MAST4: variants seen among roughly 807,000 people sequenced by gnomAD.
MAST4 encodes microtubule-associated serine/threonine-protein kinase 4.
Under a neutral mutation model 162.7 loss-of-function variants are expected in MAST4, and 89 were observed. That is an observed-to-expected ratio of 0.55 (90% CI 0.46 to 0.65). The LOEUF is 0.65. Ranked by LOEUF, MAST4 falls within the 30% of genes least tolerant of loss-of-function variation. The pLI, the probability that MAST4 is intolerant of heterozygous loss-of-function variation, is 0.00. For synonymous variants in MAST4, 1,479 were observed against 1,361.1 expected, an observed-to-expected ratio of 1.09 and a Z score of -1.91; for missense variants, 3,153 against 3,374.0, an observed-to-expected ratio of 0.93 and a Z score of 1.62.
At position 66,834,448 on chromosome 5, in the gene MAST4, C is replaced by T. The variant is rs191733442; in HGVS notation, c.642+45654C>T. ...TGTGCTCCCCATTAGCAGAAGCCAG[C>T]TTAGACACCAGAGGGAAAGGGAGCC... On this transcript the variant is annotated intron_variant, in intron 3 of 28. Transcript: ENST00000403625. Among the ~76,000 whole-genome samples, 954 of 152,246 alleles carry T rather than the reference C, an allele frequency of 6.3e-3. 36 individuals are homozygous for T. Among genetic ancestry groups the T allele is most frequent in the Admixed American group, 0.057 (878 of 15,280 alleles).
chr5:67,167,191 GAC>G lies in MAST4; in HGVS notation c.*142_*143del. 1 of 359,596 alleles carries G rather than the reference GAC, an allele frequency of 2.8e-6. No homozygotes were observed. 22.3% of individuals were successfully genotyped at this position (359,596 alleles called of 1,614,324 possible). A position where few individuals can be genotyped will look rare whatever the true frequency, so the allele number is the denominator to read the frequency against. ...CTCATTGAGACAGGGGAGAGAGAAA[GAC>G]AAAGAGGGGACCTTCTTCCAGATGC... On this transcript the variant is annotated 3_prime_UTR_variant, in exon 29 of 29. Coordinates refer to ENST00000403625, the MANE Select transcript of MAST4 (RefSeq NM_001164664.2).
chr5:66,837,886 ATATATATATTTTT>A (rs1435671405), intron 3 of MAST4, among the ~76,000 whole-genome samples: 38 of 52,824 alleles, frequency 7.2e-4, no homozygotes, highest in African/African-American at 3.3e-3. Flanking sequence ...ATATATATAT[ATATATATATTTTT>A]TTTTTTTTTT....
intron 7 of MAST4, among the ~76,000 whole-genome samples, chr5:67,098,434 C>G (rs749144654): frequency 6.6e-6 from 1 of 152,070 alleles, no homozygotes; most frequent in Non-Finnish European, 1.5e-5. Flanking sequence ...AGAATTGTAT[C>G]AGTAGGAAGA....
intron 3 of MAST4, among the ~76,000 whole-genome samples, chr5:66,804,638 A>G (rs1756092264): frequency 6.6e-6 from 1 of 152,192 alleles, no homozygotes; most frequent in Non-Finnish European, 1.5e-5. Context: ...CAATGAAAGT[A>G]GAGAGTGGGA....
At chr5:66,953,162 A>G (rs1443790912) in intron 4 of MAST4, among the ~76,000 whole-genome samples, 2 of 152,226 alleles carry the variant, frequency 1.3e-5, no homozygotes, top group East Asian at 1.9e-4. Context: ...TTCCTCAACC[A>G]TGCACACTTT....
At chr5:66,805,987 G>A (rs894180336) in intron 3 of MAST4, among the ~76,000 whole-genome samples, 1 of 152,256 alleles carries the variant, frequency 6.6e-6, no homozygotes, top group Non-Finnish European at 1.5e-5. Flanking sequence ...CCATGCTAGC[G>A]GTAGAGGTGT....
At position 67,073,490 on chromosome 5, in the gene MAST4, G is replaced by C. The variant is rs60779236; in HGVS notation, c.764-16672G>C. On this transcript the variant is annotated intron_variant, in intron 5 of 28. Coordinates refer to ENST00000403625, the MANE Select transcript of MAST4 (RefSeq NM_001164664.2). ...TGGGAAATTCCTCTTACGTAGGGAG[G>C]TTGCTTAGAAGATAACTGGAGGCCA... Among the ~76,000 whole-genome samples the C allele has an allele frequency of 4.5e-4, 69 of 152,292 alleles. No homozygotes were observed. The East Asian group carries it at 0.012, about 27-fold the overall frequency.
intron 4 of MAST4, among the ~76,000 whole-genome samples, chr5:67,005,960 C>T (rs1751977692): frequency 6.6e-6 from 1 of 152,234 alleles, no homozygotes; most frequent in African/African-American, 2.4e-5. Flanking sequence ...TGCAGGCTCT[C>T]AGATTTGGAG....
chr5:67,114,385 G>A (rs1581609170), intron 12 of MAST4, 166 bp downstream of exon 12: 1 of 771,546 alleles, frequency 1.3e-6, no homozygotes, highest in Non-Finnish European at 2.0e-6. Flanking sequence ...CATAAAATGG[G>A]TCCTGAGACA....
chr5:66,666,297 C>T (rs1747253368), intron 1 of MAST4, among the ~76,000 whole-genome samples: 1 of 152,190 alleles, frequency 6.6e-6, no homozygotes, highest in Admixed American at 6.5e-5. Flanking sequence ...AGACCGCTCT[C>T]TGATGGTAAT....
intron 1 of MAST4, among the ~76,000 whole-genome samples, chr5:66,691,931 C>T (rs1749066971): frequency 6.6e-6 from 1 of 152,080 alleles, no homozygotes; most frequent in Admixed American, 6.6e-5. Context: ...TAAGAATGTA[C>T]AGTGAATGCT....
chr5:66,959,537 G>A (rs1355455705), intron 4 of MAST4, among the ~76,000 whole-genome samples: 1 of 152,158 alleles, frequency 6.6e-6, no homozygotes, highest in East Asian at 1.9e-4. Context: ...CCCCAGTTCT[G>A]GAAACATCTT....
At chr5:66,957,007 G>GT (rs142109495) in intron 4 of MAST4, among the ~76,000 whole-genome samples, 8,617 of 152,226 alleles carry the variant, frequency 0.057, 338 homozygotes, top group Middle Eastern at 0.11. Context: ...GGGCAGGATG[G>GT]TGAGTTTTCT....
chr5:67,038,166 C>G (rs1265298818), intron 4 of MAST4, among the ~76,000 whole-genome samples: 1 of 151,660 alleles, frequency 6.6e-6, no homozygotes, highest in Non-Finnish European at 1.5e-5. Flanking sequence ...CTATTGAAAT[C>G]TTTCTCTAAC....
intron 21 of MAST4, 45 bp downstream of exon 21, chr5:67,142,578 T>C (rs1027883542): frequency 1.3e-5 from 17 of 1,298,690 alleles, no homozygotes; most frequent in Non-Finnish European, 1.5e-5. Context: ...TCTGGGAGGA[T>C]CTCCCGCTGG....
At position 66,827,854 on chromosome 5, in the gene MAST4, T is replaced by C. The variant is rs558502775; in HGVS notation, c.642+39060T>C. On this transcript the variant is annotated intron_variant, in intron 3 of 28. Transcript: ENST00000403625. ...AGAATAGACACCAAGGAGGAATAAT[T>C]TATTATGAATTGGTAGTGTCGTATG... 2.0e-5 allele frequency among the ~76,000 whole-genome samples: 3 copies of C among 152,298 alleles called. No homozygotes were observed. The South Asian group carries it at 6.2e-4, about 32-fold the overall frequency.
intron 3 of MAST4, among the ~76,000 whole-genome samples, chr5:66,863,904 T>C (rs761387080): frequency 3.9e-5 from 6 of 152,200 alleles, no homozygotes; most frequent in Non-Finnish European, 8.8e-5. Flanking sequence ...AGAGCCCTAC[T>C]CCTTTGTAAG....
intron 3 of MAST4, among the ~76,000 whole-genome samples, chr5:66,798,619 C>A (rs1176385599): frequency 6.6e-6 from 1 of 152,196 alleles, no homozygotes; most frequent in Non-Finnish European, 1.5e-5. Context: ...ACTGTTTTCA[C>A]AGTAGAATTC....
intron 4 of MAST4, among the ~76,000 whole-genome samples, chr5:67,025,830 C>T (rs1009143952): frequency 6.6e-5 from 10 of 152,174 alleles, no homozygotes; most frequent in African/African-American, 2.4e-4. Flanking sequence ...TGGAGGGCCC[C>T]AAGGCCCGGA....
Sources: allele counts gnomAD v4.1 joint callset (sites outside exome capture counted in the v4.1 genomes callset), GRCh38; gene constraint gnomAD v4.1.1; transcripts MANE v1.5; gene names NCBI Gene and HGNC (gene_info 2026-07-23, HGNC 2026-07-21).